Variants in ZZEF1 observed in about 807,000 individuals in gnomAD.
The protein encoded by ZZEF1 is zinc finger ZZ-type and EF-hand domain-containing protein 1.
A neutral mutation model predicts 342.8 loss-of-function variants in ZZEF1; 157 were observed. The ratio of observed to expected loss-of-function variants is 0.46; its 90% CI spans 0.40 to 0.52. The LOEUF (loss-of-function observed/expected upper bound fraction) is 0.52. Among genes scored for constraint, ZZEF1 ranks in the 20% least tolerant of loss-of-function variants. ZZEF1 has a pLI of 0.00. For synonymous variants in ZZEF1, 1,505 were observed against 1,429.1 expected, an observed-to-expected ratio of 1.05 and a Z score of -1.20; for missense variants, 3,480 against 3,725.6, an observed-to-expected ratio of 0.93 and a Z score of 1.72.
chr17:4,128,523 G>A (rs2058611960), intron 1 of ZZEF1, among the ~76,000 whole-genome samples: 1 of 149,228 alleles, frequency 6.7e-6, no homozygotes, highest in African/African-American at 2.5e-5. Context: ...GCAGTTGCGT[G>A]ATCTAGGCTC....
chr17:4,013,508 G>A lies in ZZEF1; in HGVS notation c.8520C>T (p.Gly2840=). 6.2e-7 allele frequency: 1 copy of A among 1,613,950 alleles called. No homozygotes were observed. Among genetic ancestry groups the A allele is most frequent in the South Asian group, 1.1e-5 (1 of 91,036 alleles). Residue 2840 remains glycine, a synonymous_variant, in exon 52 of 55, where the codon GGC becomes GGT. Coordinates refer to ENST00000381638, the MANE Select transcript of ZZEF1 (RefSeq NM_015113.4). The stretch of plus-strand genomic sequence containing the variant: ...AGTGGATGGCTTTTAATCGTTGATG[G>A]CCAGTCTGGCGACAGGCCACGCCCA... ...WLVGVACRQT[G]HQRLKAIHLL... is the part of the protein sequence containing the mutation.
chr17:4,114,982 A>G (rs956332986), intron 3 of ZZEF1, among the ~76,000 whole-genome samples: 2 of 152,158 alleles, frequency 1.3e-5, no homozygotes, highest in Non-Finnish European at 2.9e-5. Flanking sequence ...TACATAGAAT[A>G]GCTAACATTT....
In ZZEF1 at chr17:4,072,600, G is replaced by GTAAATA; in HGVS notation, c.3834+2_3834+7dup. On this transcript the variant is annotated splice_region_variant and intron_variant, in intron 25 of 54. Coordinates refer to ENST00000381638, the MANE Select transcript of ZZEF1 (RefSeq NM_015113.4). ...GTCTAAATAGAAAGAAAACGGAAGA[G>GTAAATA]TAAATACCTCCTTACTATTCCGGTG... 9 of 1,601,296 alleles carry GTAAATA rather than the reference G, an allele frequency of 5.6e-6. No individual in the cohort carries two copies. Among genetic ancestry groups the GTAAATA allele is most frequent in the Non-Finnish European group, 7.7e-6 (9 of 1,174,058 alleles).
chr17:4,037,145 G>A (rs2145084876), intron 39 of ZZEF1, among the ~76,000 whole-genome samples: 1 of 152,240 alleles, frequency 6.6e-6, no homozygotes, highest in Admixed American at 6.5e-5. Flanking sequence ...AACCCATACT[G>A]ATATAACTAA....
At chr17:4,082,571 G>T in intron 16 of ZZEF1, 67 bp from the exon 17 acceptor site, 1 of 1,436,684 alleles carries the variant, frequency 7.0e-7, no homozygotes, top group Non-Finnish European at 9.7e-7. Flanking sequence ...ACCTAGAGCG[G>T]CAATGAAACA....
At position 4,133,542 on chromosome 17, in the gene ZZEF1, C is replaced by A. The variant is rs569441193; in HGVS notation, c.354+9000G>T. 4.1e-4 allele frequency among the ~76,000 whole-genome samples: 63 copies of A among 152,280 alleles called. 3 individuals carry two copies. In the South Asian group the frequency reaches 0.013, roughly 31 times the overall value. On this transcript the variant is annotated intron_variant, in intron 1 of 54. Transcript: ENST00000381638. Reference sequence around the variant, plus strand: ...TTTTGTCCAGGTGAACTCCTATCAACTCTAGAAGTGAGACTCACTCCCTCT... The same window carrying A: ...TTTTGTCCAGGTGAACTCCTATCAAATCTAGAAGTGAGACTCACTCCCTCT...
intron 52 of ZZEF1, 133 bp downstream of exon 52, chr17:4,013,316 G>A: frequency 2.3e-6 from 2 of 883,698 alleles, no homozygotes; most frequent in African/African-American, 3.5e-5. Context: ...TAAAGCAAAT[G>A]ACTGAAAAAC....
At chr17:4,044,518 T>C (rs2056869725) in intron 37 of ZZEF1, 144 bp from the exon 38 acceptor site, 4 of 737,172 alleles carry the variant, frequency 5.4e-6, no homozygotes, top group East Asian at 5.5e-5. Flanking sequence ...ATTTCTTTTT[T>C]CTTTTTTGTG....
chr17:4,117,073 G>A lies in ZZEF1; in HGVS notation c.593C>T (p.Ala198Val), dbSNP rs533055401. The change falls in exon 3 of 55, where the codon GCG (alanine) becomes GTG (valine). Residue 198 changes from alanine to valine, a missense_variant. This residue lies in a region of ZZEF1 where 416 missense variants were observed against 374.2 expected (regional missense o/e 1.11). Transcript: ENST00000381638. ...RFLHRNRLSSAVMPYPMLEHC... is the reference protein window; with the variant it reads ...RFLHRNRLSSVVMPYPMLEHC... Reference sequence around the variant, plus strand: ...CTCCAGCATCGGGTAGGGCATCACCGCGCTGGAGAGCCGATTGCGGTGCAG... The same window carrying A: ...CTCCAGCATCGGGTAGGGCATCACCACGCTGGAGAGCCGATTGCGGTGCAG... 167 of 1,614,148 alleles carry A rather than the reference G, an allele frequency of 1.0e-4. No individual in the cohort carries two copies. Among genetic ancestry groups the A allele is most frequent in the Non-Finnish European group, 1.3e-4 (150 of 1,180,024 alleles).
rs747541401 is a variant in ZZEF1, at chr17:4,021,267, C to T, written c.7266G>A (p.Glu2422=). 1 of 1,614,170 alleles carries T rather than the reference C, an allele frequency of 6.2e-7. No homozygotes were observed. Among genetic ancestry groups the T allele is most frequent in the East Asian group, 2.2e-5 (1 of 44,882 alleles). ...SSKKEINALA[E]HGDLELDERG... ...GCTCATCCAGCTCTAGGTCTCCGTG[C>T]TCAGCCAAAGCGTTGATCTCCTTTT... Residue 2422 remains glutamate, a synonymous_variant, in exon 45 of 55, where the codon GAG becomes GAA. Coordinates refer to ENST00000381638, the MANE Select transcript of ZZEF1 (RefSeq NM_015113.4).
rs757942568 is a variant in ZZEF1, at chr17:4,014,163, G to C, written c.8340C>G (p.Thr2780=). 8 of 1,614,156 alleles carry C rather than the reference G, an allele frequency of 5.0e-6. No homozygotes were observed. The highest frequency in any genetic ancestry group is 5.9e-6 in the Non-Finnish European group (7 of 1,180,030). Residue 2780 remains threonine (T), a synonymous_variant, in exon 51 of 55, where the codon ACC becomes ACG. Transcript: ENST00000381638. The surrounding 1 kb of genome is among the most constrained non-coding windows in gnomAD (Gnocchi z 4.4). ...LPGDTLYYRF[T]SDMSNTEWGY... ...CCCACTCGGTGTTGCTCATGTCGGA[G>C]GTGAAGCGGTAATACAGAGTGTCTC...
intron 45 of ZZEF1, 65 bp downstream of exon 45, chr17:4,021,064 C>A: frequency 6.6e-7 from 1 of 1,503,794 alleles, no homozygotes. Context: ...AAAACATGGC[C>A]CGGGCCAAAG....
chr17:4,090,667 A>G (rs1331374252), intron 12 of ZZEF1, 52 bp downstream of exon 12: 1 of 1,476,336 alleles, frequency 6.8e-7, no homozygotes, highest in East Asian at 2.3e-5. Flanking sequence ...TCACTACTCA[A>G]AAAACACAGA....
intron 42 of ZZEF1, among the ~76,000 whole-genome samples, chr17:4,026,005 G>A (rs530412286): frequency 6.6e-6 from 1 of 152,170 alleles, no homozygotes; most frequent in African/African-American, 2.4e-5. Context: ...AAGGCTGCTA[G>A]AATGTACAGG....
intron 16 of ZZEF1, among the ~76,000 whole-genome samples, chr17:4,084,296 ATTT>A (rs35440452): frequency 1.3e-5 from 2 of 148,734 alleles, no homozygotes; most frequent in Non-Finnish European, 3.0e-5. Context: ...GCATTTAGTG[ATTT>A]TTTTTTTTCC....
intron 24 of ZZEF1, 110 bp downstream of exon 24, chr17:4,074,040 C>T (rs1413444047): frequency 1.8e-5 from 21 of 1,170,230 alleles, no homozygotes; most frequent in South Asian, 9.9e-5. Context: ...ACTGAAAAGG[C>T]GTATTATTAA....
At chr17:4,007,322 C>T (rs1336604309) in intron 54 of ZZEF1, among the ~76,000 whole-genome samples, 2 of 152,220 alleles carry the variant, frequency 1.3e-5, no homozygotes, top group African/African-American at 4.8e-5. Flanking sequence ...TGCTGGGGAC[C>T]AGAGGGAGTA....
Position 4,014,607 on chromosome 17 carries a change from G to T in ZZEF1, c.8146-92C>A. 7.2e-7 allele frequency: 1 copy of T among 1,395,394 alleles called. No homozygotes were observed. Among genetic ancestry groups the T allele is most frequent in the Non-Finnish European group, 1.0e-6 (1 of 998,528 alleles). The allele number at this position is 1,395,394 out of a possible 1,614,324, so 86.4% of individuals were successfully genotyped here. ...ATGCCGAGTCCTGTGGCTGGACCCG[G>T]GTGTGTGAGAATGAGTGAACCACAG... On this transcript the variant is annotated intron_variant, in intron 49 of 54. Coordinates refer to ENST00000381638, the MANE Select transcript of ZZEF1 (RefSeq NM_015113.4). The surrounding 1 kb of genome is among the most constrained non-coding windows in gnomAD (Gnocchi z 4.4).
intron 1 of ZZEF1, among the ~76,000 whole-genome samples, chr17:4,126,566 G>A (rs9911935): frequency 0.03 from 4,515 of 152,286 alleles, 245 homozygotes; most frequent in African/African-American, 0.1. Context: ...GGCTGAGAAG[G>A]AAGCTGTCCC....
Sources: gnomAD v4.1 joint callset for allele counts (sites outside exome capture counted in the v4.1 genomes callset) on GRCh38, gnomAD v4.1.1 for gene constraint, gnomAD v4.1.1 regional missense constraint, Gnocchi (gnomAD v3.1) non-coding constraint, MANE v1.5 for transcripts, NCBI Gene and HGNC (gene_info 2026-07-23, HGNC 2026-07-21) for gene names.